AGMO: variants seen among roughly 807,000 people sequenced by gnomAD.
AGMO encodes the protein alkylglycerol monooxygenase.
Under a neutral mutation model 60.2 loss-of-function variants are expected in AGMO, and 75 were observed. The ratio of observed to expected loss-of-function variants is 1.25; its 90% CI spans 1.03 to 1.51. The LOEUF (loss-of-function observed/expected upper bound fraction) is 1.51, where lower values mean the gene tolerates loss of function less well. Ranked by LOEUF, AGMO falls within the 40% of genes most tolerant of loss-of-function variation. AGMO has a pLI of 0.00. For synonymous variants in AGMO, 261 were observed against 177.1 expected, an observed-to-expected ratio of 1.47 and a Z score of -3.76; for missense variants, 763 against 525.5, an observed-to-expected ratio of 1.45 and a Z score of -4.42.
At chr7:15,337,858 C>T (rs577414898) in intron 12 of AGMO, among the ~76,000 whole-genome samples, 1 of 152,260 alleles carries the variant, frequency 6.6e-6, no homozygotes, top group African/African-American at 2.4e-5. Flanking sequence ...TCCACCTTTG[C>T]AACTGTGACT....
rs569337950 is a variant in AGMO at position 15,535,326 on chromosome 7, G to T, written c.409+9446C>A. ...AAGTTATTCCTATTTTTCTAGGAAT[G>T]GGGGGGCATACTCTTTCTTTTTACC... On this transcript the variant is annotated intron_variant, in intron 3 of 12. Transcript: ENST00000342526. Among the ~76,000 whole-genome samples the T allele has an allele frequency of 4.0e-5, 6 of 151,826 alleles. No individual in the cohort carries two copies. The South Asian group carries it at 1.0e-3, about 26-fold the overall frequency.
intron 12 of AGMO, among the ~76,000 whole-genome samples, chr7:15,230,249 C>T (rs1283563290): frequency 6.6e-6 from 1 of 152,072 alleles, no homozygotes; most frequent in African/African-American, 2.4e-5. Flanking sequence ...GGAAACCAGA[C>T]AAAAGCCCTT....
chr7:15,523,310 G>C (rs980546454), intron 3 of AGMO, among the ~76,000 whole-genome samples: 2 of 152,168 alleles, frequency 1.3e-5, no homozygotes, highest in Non-Finnish European at 2.9e-5. Context: ...AGTACCATTT[G>C]ACCTAGCAAT....
At chr7:15,436,881 A>G (rs1440566937) in intron 3 of AGMO, among the ~76,000 whole-genome samples, 3 of 152,192 alleles carry the variant, frequency 2.0e-5, no homozygotes, top group African/African-American at 2.4e-5. Flanking sequence ...ATTAAATGAT[A>G]GTGCGAAATT....
chr7:15,168,044 G>A, the AGMO span, among the ~76,000 whole-genome samples: 1 of 152,162 alleles, frequency 6.6e-6, no homozygotes, highest in East Asian at 1.9e-4. Context: ...AAACATGCAA[G>A]CTCACGGGCC....
At chr7:15,467,327 T>C (rs908913453) in intron 3 of AGMO, among the ~76,000 whole-genome samples, 2 of 152,194 alleles carry the variant, frequency 1.3e-5, no homozygotes, top group African/African-American at 4.8e-5. Context: ...GTTTCTAGTG[T>C]TGGAGGCAAA....
chr7:15,531,419 ATATATATTC>A (rs1784344835), intron 3 of AGMO, among the ~76,000 whole-genome samples: 1 of 65,602 alleles, frequency 1.5e-5, no homozygotes, highest in Non-Finnish European at 2.5e-5. Flanking sequence ...TATATATTCT[ATATATATTC>A]TATATATATA....
the AGMO span, among the ~76,000 whole-genome samples, chr7:15,194,323 C>T: frequency 9.9e-5 from 15 of 151,914 alleles, no homozygotes; most frequent in African/African-American, 3.4e-4. Flanking sequence ...ATAGCTACTG[C>T]TTTATTTTTT....
intron 12 of AGMO, among the ~76,000 whole-genome samples, chr7:15,326,835 A>C (rs1781352275): frequency 6.6e-6 from 1 of 152,210 alleles, no homozygotes; most frequent in African/African-American, 2.4e-5. Context: ...ACAAAAACAG[A>C]GATTTGGTGC....
At chr7:15,556,122 C>A (rs187758041) in intron 2 of AGMO, among the ~76,000 whole-genome samples, 1 of 151,896 alleles carries the variant, frequency 6.6e-6, no homozygotes, top group African/African-American at 2.4e-5. Context: ...TGCCAAGGCC[C>A]CTAGTATAAA....
At chr7:15,344,118 C>A (rs573035081) in intron 12 of AGMO, among the ~76,000 whole-genome samples, 1 of 152,080 alleles carries the variant, frequency 6.6e-6, no homozygotes, top group Non-Finnish European at 1.5e-5. Context: ...TTCTTGATTA[C>A]TCATTTAGAA....
At chr7:15,559,916 G>A (rs1458111518) in intron 2 of AGMO, among the ~76,000 whole-genome samples, 1 of 152,032 alleles carries the variant, frequency 6.6e-6, no homozygotes, top group Non-Finnish European at 1.5e-5. Context: ...TCATTTCAAA[G>A]GGATATCAAC....
intron 5 of AGMO, among the ~76,000 whole-genome samples, chr7:15,397,182 G>A (rs529305346): frequency 2.6e-5 from 4 of 152,248 alleles, no homozygotes; most frequent in African/African-American, 9.6e-5. Context: ...GTGGGGAAGC[G>A]AGAAAGAGAC....
chr7:15,256,905 A>C (rs1783115737), intron 12 of AGMO, among the ~76,000 whole-genome samples: 1 of 152,218 alleles, frequency 6.6e-6, no homozygotes, highest in South Asian at 2.1e-4. Flanking sequence ...TGTATCCAAG[A>C]AATTCCTACA....
chr7:15,210,776 A>G (rs1781567286), intron 12 of AGMO, among the ~76,000 whole-genome samples: 1 of 152,052 alleles, frequency 6.6e-6, no homozygotes, highest in Admixed American at 6.6e-5. Context: ...TTTCTGTGAT[A>G]ATTTTCTTTC....
At chr7:15,440,851 T>C (rs1781535388) in intron 3 of AGMO, among the ~76,000 whole-genome samples, 1 of 152,200 alleles carries the variant, frequency 6.6e-6, no homozygotes, top group South Asian at 2.1e-4. Flanking sequence ...GAAAGTAATG[T>C]TATGGATAAG....
intron 12 of AGMO, among the ~76,000 whole-genome samples, chr7:15,363,858 A>T (rs1782858428): frequency 6.6e-6 from 1 of 151,766 alleles, no homozygotes; most frequent in Non-Finnish European, 1.5e-5. Flanking sequence ...AAATGAAATT[A>T]TTGTCTTTCA....
chr7:15,169,558 T>C, the AGMO span, among the ~76,000 whole-genome samples: 9 of 152,090 alleles, frequency 5.9e-5, no homozygotes, highest in African/African-American at 2.2e-4. Flanking sequence ...TGCCTCAGCC[T>C]CCTACATAGC....
chr7:15,497,215 G>C lies in AGMO; in HGVS notation c.409+47557C>G, dbSNP rs774716962. Among the ~76,000 whole-genome samples, 111 of 152,110 alleles carry C rather than the reference G, an allele frequency of 7.3e-4. No homozygotes were observed. The Middle Eastern group carries it at 0.02, about 28-fold the overall frequency. On this transcript the variant is annotated intron_variant, in intron 3 of 12. Transcript: ENST00000342526. ...CACAACAACCCTATCATTCCTATTT[G>C]ACAGATGAGAAAAGGTGAGTCAGAT... is the stretch of plus-strand genomic sequence containing the variant.
Sources: gnomAD v4.1 joint callset for allele counts (sites outside exome capture counted in the v4.1 genomes callset) on GRCh38, gnomAD v4.1.1 for gene constraint, MANE v1.5 for transcripts, NCBI Gene and HGNC (gene_info 2026-07-23, HGNC 2026-07-21) for gene names.